The following CDON variants were observed in gnomAD, a reference collection of about 807,000 sequenced individuals.
CDON encodes cell adhesion associated, oncogene regulated.
Under a neutral mutation model 120.9 loss-of-function variants are expected in CDON, and 73 were observed. That is an observed-to-expected ratio of 0.60 (90% CI 0.50 to 0.73). The LOEUF (loss-of-function observed/expected upper bound fraction) is 0.73. Ranked by LOEUF, CDON falls within the 30% of genes least tolerant of loss-of-function variation. The probability of loss-of-function intolerance (pLI) is 0.00; values close to 1 mark genes in which losing one functional copy is unlikely to be tolerated. For missense variants in CDON, 1,470 were observed against 1,587.3 expected, an observed-to-expected ratio of 0.93 and a Z score of 1.26; for synonymous variants, 566 against 573.5, an observed-to-expected ratio of 0.99 and a Z score of 0.19.
chr11:126,017,429 T>G, intron 5 of CDON, 54 bp from the exon 6 acceptor site: 15 of 1,551,740 alleles, frequency 9.7e-6, no homozygotes, highest in African/African-American at 2.7e-5. Context: ...TTCTAATCTC[T>G]TGCTTAGCAA....
chr11:125,975,946 C>G (rs987208638), intron 18 of CDON, among the ~76,000 whole-genome samples: 1 of 152,182 alleles, frequency 6.6e-6, no homozygotes, highest in Non-Finnish European at 1.5e-5. Flanking sequence ...ATGAGGCCCA[C>G]TTGATAGCCC....
intron 1 of CDON, among the ~76,000 whole-genome samples, chr11:126,043,366 G>A (rs1463886715): frequency 6.6e-6 from 1 of 152,010 alleles, no homozygotes; most frequent in African/African-American, 2.4e-5. Context: ...CCCTTGAGCC[G>A]CTGCTTGGCC....
chr11:125,978,663 T>C (rs1421939162), intron 17 of CDON, among the ~76,000 whole-genome samples: 1 of 152,210 alleles, frequency 6.6e-6, no homozygotes, highest in East Asian at 1.9e-4. Context: ...GGTAAATAAA[T>C]GAAGGGAAAA....
intron 1 of CDON, among the ~76,000 whole-genome samples, chr11:126,053,929 A>C (rs1036786234): frequency 4.6e-5 from 7 of 152,198 alleles, no homozygotes; most frequent in Non-Finnish European, 1.0e-4. Context: ...TCATGAAAAG[A>C]AGCCAAATTA....
chr11:126,062,556 C>T (rs117727429), intron 1 of CDON, 23 bp downstream of exon 1: 16,451 of 152,182 alleles, frequency 0.11, 1,192 homozygotes, highest in Middle Eastern at 0.23. Flanking sequence ...TCCGACCCTG[C>T]GGCGGGACCC....
intron 14 of CDON, among the ~76,000 whole-genome samples, chr11:125,992,066 GA>G (rs1196507561): frequency 6.6e-6 from 1 of 152,146 alleles, no homozygotes; most frequent in African/African-American, 2.4e-5. Context: ...GAGAAAAACA[GA>G]GAGACAAAGA....
chr11:126,051,014 T>TA (rs1171239597), intron 1 of CDON, among the ~76,000 whole-genome samples: 4 of 152,076 alleles, frequency 2.6e-5, no homozygotes, highest in African/African-American at 9.7e-5. Flanking sequence ...CTACTCGATG[T>TA]AAATTTTTTT....
In CDON at chr11:126,022,243, A is replaced by G. The variant is rs149048709; in HGVS notation, c.77-723T>C. 2.2e-4 allele frequency among the ~76,000 whole-genome samples: 34 copies of G among 152,262 alleles called. 1 individual carries two copies. Among genetic ancestry groups the G allele is most frequent in the African/African-American group, 7.9e-4 (33 of 41,558 alleles). ...AAAAAGAATTCTCCCCTATTTTACCAACAGGATTTGATTTACGAGAGCAAG... is the reference window on the plus strand; with the variant it reads ...AAAAAGAATTCTCCCCTATTTTACCGACAGGATTTGATTTACGAGAGCAAG... On this transcript the variant is annotated intron_variant, in intron 2 of 19. Transcript: ENST00000531738.
chr11:126,019,308 G>A (rs1591393196), intron 4 of CDON, among the ~76,000 whole-genome samples: 2 of 152,250 alleles, frequency 1.3e-5, no homozygotes, highest in South Asian at 2.1e-4. Context: ...TATCAGGTGT[G>A]ATCAATTCTA....
chr11:125,968,426 G>A (rs1945865605), intron 18 of CDON, among the ~76,000 whole-genome samples: 1 of 152,204 alleles, frequency 6.6e-6, no homozygotes, highest in Non-Finnish European at 1.5e-5. Context: ...ACATGGGGCA[G>A]GACTGGAGGA....
chr11:125,981,413 T>TACGCCCACACGCACACAC, intron 16 of CDON, 84 bp from the exon 17 acceptor site: 1 of 1,401,672 alleles, frequency 7.1e-7, no homozygotes, highest in Non-Finnish European at 9.9e-7. Context: ...CATGCACACA[T>TACGCCCACACGCACACAC]GCACATACGC....
chr11:126,002,132 A>C (rs886194464), intron 10 of CDON, among the ~76,000 whole-genome samples: 2 of 152,212 alleles, frequency 1.3e-5, no homozygotes, highest in Non-Finnish European at 2.9e-5. Flanking sequence ...CAAATGACTA[A>C]GTGTTCAAAC....
chr11:125,978,375 T>G lies in CDON; in HGVS notation c.3285A>C (p.Gly1095=). 1 of 1,603,118 alleles carries G rather than the reference T, an allele frequency of 6.2e-7. No individual in the cohort carries two copies. The highest frequency in any genetic ancestry group is 8.5e-7 in the Non-Finnish European group (1 of 1,172,184). ...CAATCTGAGGCACGGCCGTGTACATTCCACCACCCTGGACAGGAAGGAGTG... is the reference window on the plus strand; with the variant it reads ...CAATCTGAGGCACGGCCGTGTACATGCCACCACCCTGGACAGGAAGGAGTG... ...EHPHHLVNGG[G]MYTAVPQIDP... Residue 1095 remains glycine, a synonymous_variant, in exon 18 of 20, where the codon GGA becomes GGC. Transcript: ENST00000531738.
At chr11:126,040,893 A>G (rs377535195) in intron 1 of CDON, among the ~76,000 whole-genome samples, 1 of 148,486 alleles carries the variant, frequency 6.7e-6, no homozygotes, top group South Asian at 2.1e-4. Flanking sequence ...GCAGCGCTAC[A>G]GTAAAAACAT....
In CDON at chr11:125,997,430, TTTCAA is replaced by T; in HGVS notation, c.2159-25_2159-21del. On this transcript the variant is annotated intron_variant, in intron 11 of 19. Transcript: ENST00000531738. Reference sequence around the variant, plus strand: ...CTGGAACTAAACACGGAAACGTTCATTTCAATAACCCACCATGTCAGAGACAAGAA... The same window carrying T: ...CTGGAACTAAACACGGAAACGTTCATTAACCCACCATGTCAGAGACAAGAA... 6.5e-7 allele frequency: 1 copy of T among 1,544,682 alleles called. No individual in the cohort carries two copies. Among genetic ancestry groups the T allele is most frequent in the Non-Finnish European group, 8.9e-7 (1 of 1,122,666 alleles).
intron 1 of CDON, among the ~76,000 whole-genome samples, chr11:126,056,351 T>C (rs769228284): frequency 3.5e-4 from 53 of 152,212 alleles, no homozygotes; most frequent in Non-Finnish European, 6.5e-4. Context: ...CCACGGATGG[T>C]CTGATTTAGG....
intron 1 of CDON, among the ~76,000 whole-genome samples, chr11:126,023,786 TAC>T (rs2134709779): frequency 6.6e-6 from 1 of 152,356 alleles, no homozygotes; most frequent in South Asian, 2.1e-4. Flanking sequence ...TCTGAATGAA[TAC>T]ATTCAACTGC....
In CDON at chr11:125,994,893, G is replaced by A; in HGVS notation, c.2522C>T (p.Thr841Ile). ...GACCGTCCACTTTAGCATGATCTGA[G>A]TATCGCTGACAGCCTCTGTGTATGC... ...HIAYTEAVSD[T>I]QIMLKWTYIP... is the part of the protein sequence containing the mutation. The change falls in exon 13 of 20, where the codon ACT becomes ATT. Residue 841 changes from threonine (T) to isoleucine (I), a missense_variant. Transcript: ENST00000531738. 6.2e-7 allele frequency: 1 copy of A among 1,614,036 alleles called. No individual in the cohort carries two copies. The highest frequency in any genetic ancestry group is 8.5e-7 in the Non-Finnish European group (1 of 1,179,950).
intron 5 of CDON, among the ~76,000 whole-genome samples, chr11:126,017,643 G>A (rs1426648072): frequency 1.3e-5 from 2 of 151,494 alleles, no homozygotes; most frequent in Non-Finnish European, 2.9e-5. Flanking sequence ...CAACTCAACC[G>A]CCATAACCTA....
Sources: gnomAD v4.1 joint callset for allele counts (sites outside exome capture counted in the v4.1 genomes callset) on GRCh38, gnomAD v4.1.1 for gene constraint, MANE v1.5 for transcripts, NCBI Gene and HGNC (gene_info 2026-07-23, HGNC 2026-07-21) for gene names.